Variants in HIVEP3 observed in about 807,000 individuals in gnomAD.
The protein encoded by HIVEP3 is transcription factor HIVEP3.
In HIVEP3, 49 loss-of-function variants were observed where a neutral mutation model predicts 152.8. The observed-to-expected ratio is 0.32, with a 90% CI of 0.26 to 0.41. The LOEUF (loss-of-function observed/expected upper bound fraction) is 0.41. Among genes scored for constraint, HIVEP3 ranks in the 10% least tolerant of loss-of-function variants. The probability of loss-of-function intolerance (pLI) is 1.00; values close to 1 mark genes in which losing one functional copy is unlikely to be tolerated. For missense variants in HIVEP3, 2,790 were observed against 3,103.3 expected, an observed-to-expected ratio of 0.90 and a Z score of 2.40; for synonymous variants, 1,269 against 1,289.0, an observed-to-expected ratio of 0.98 and a Z score of 0.33.
At chr1:41,630,713 A>G (rs1437992056) in intron 2 of HIVEP3, among the ~76,000 whole-genome samples, 1 of 152,168 alleles carries the variant, frequency 6.6e-6, no homozygotes, top group South Asian at 2.1e-4. Flanking sequence ...AACCCAGCCC[A>G]CCAACACCTT....
At chr1:41,567,036 G>A (rs1447296270) in intron 5 of HIVEP3, among the ~76,000 whole-genome samples, 1 of 152,088 alleles carries the variant, frequency 6.6e-6, no homozygotes, top group East Asian at 1.9e-4. Context: ...ATTGCCAAAT[G>A]TCTCCCTGAA....
chr1:41,562,712 G>C (rs1405848866), intron 5 of HIVEP3, among the ~76,000 whole-genome samples: 1 of 151,608 alleles, frequency 6.6e-6, no homozygotes, highest in Non-Finnish European at 1.5e-5. Flanking sequence ...TGGGATAGGA[G>C]ACTAACAGTA....
chr1:41,756,065 C>T (rs776421648), intron 1 of HIVEP3, among the ~76,000 whole-genome samples: 6 of 152,218 alleles, frequency 3.9e-5, no homozygotes, highest in Non-Finnish European at 7.3e-5. Flanking sequence ...AAGCCAACAA[C>T]TGGCCTACAA....
Position 41,582,723 on chromosome 1 carries a change from T to C in HIVEP3, c.2075A>G (p.His692Arg), listed in dbSNP as rs1453389148. 6.2e-7 allele frequency: 1 copy of C among 1,614,246 alleles called. No individual in the cohort carries two copies. The highest frequency in any genetic ancestry group is 1.1e-5 in the South Asian group (1 of 91,086). The change falls in exon 4 of 9, where the codon CAT becomes CGT. Residue 692 changes from histidine (H) to arginine (R), a missense_variant. This residue lies in a region of HIVEP3 where 339 missense variants were observed against 327.0 expected (regional missense o/e 1.04). Transcript: ENST00000372583. This position sits in a 1 kb window ranked among gnomAD's most constrained non-coding sequence, Gnocchi z 4.7. ...SPEAEKSQIE[H>R]EPWSQMMHYK... ...ATGCATCATTTGGGACCACGGCTCATGCTCAATCTGACTCTTTTCAGCTTC... is the reference window on the plus strand; with the variant it reads ...ATGCATCATTTGGGACCACGGCTCACGCTCAATCTGACTCTTTTCAGCTTC...
chr1:41,978,966 G>A (rs1235832170), intron 1 of HIVEP3, among the ~76,000 whole-genome samples: 2 of 152,118 alleles, frequency 1.3e-5, no homozygotes, highest in Non-Finnish European at 2.9e-5. Flanking sequence ...TTTAAACAGA[G>A]TCTGGGATGC....
chr1:41,945,928 T>C (rs951606538), intron 1 of HIVEP3, among the ~76,000 whole-genome samples: 7 of 152,142 alleles, frequency 4.6e-5, no homozygotes, highest in African/African-American at 1.7e-4. Context: ...TTCAAAAGTC[T>C]GCCTTAGGCC....
intron 1 of HIVEP3, among the ~76,000 whole-genome samples, chr1:41,990,810 C>T (rs1399228461): frequency 6.1e-4 from 76 of 123,900 alleles, no homozygotes; most frequent in Non-Finnish European, 1.1e-3. Context: ...TCTCTCAGAC[C>T]ACAGTGCAAT....
At chr1:41,775,644 C>T (rs192287944) in intron 1 of HIVEP3, among the ~76,000 whole-genome samples, 1 of 152,244 alleles carries the variant, frequency 6.6e-6, no homozygotes, top group East Asian at 1.9e-4. Flanking sequence ...GTGCTCACCA[C>T]CATGCCTGGC....
At chr1:41,849,691 C>T (rs1643540283) in intron 1 of HIVEP3, among the ~76,000 whole-genome samples, 1 of 150,628 alleles carries the variant, frequency 6.6e-6, no homozygotes, top group South Asian at 2.1e-4. Flanking sequence ...GTGGTAGACC[C>T]AAATCTTTTT....
intron 1 of HIVEP3, among the ~76,000 whole-genome samples, chr1:41,790,288 C>A (rs116696050): frequency 0.012 from 1,861 of 152,220 alleles, 43 homozygotes; most frequent in African/African-American, 0.042. Flanking sequence ...CTCTTGCTCC[C>A]TCTCACACCA....
intron 1 of HIVEP3, among the ~76,000 whole-genome samples, chr1:41,854,044 T>A (rs1643682251): frequency 6.6e-6 from 1 of 152,110 alleles, no homozygotes; most frequent in Admixed American, 6.5e-5. Context: ...TTACTAAGTG[T>A]GTTCACTCAC....
chr1:41,908,810 G>C (rs954980656), intron 1 of HIVEP3, among the ~76,000 whole-genome samples: 1 of 152,202 alleles, frequency 6.6e-6, no homozygotes, highest in East Asian at 1.9e-4. Flanking sequence ...CCTGAAGCTA[G>C]CTTGAAGACA....
chr1:42,014,334 C>A (rs929893141), intron 1 of HIVEP3, among the ~76,000 whole-genome samples: 24 of 151,712 alleles, frequency 1.6e-4, no homozygotes, highest in African/African-American at 5.8e-4. Context: ...GGTGAGAGTT[C>A]GGGGAAAGGA....
intron 5 of HIVEP3, among the ~76,000 whole-genome samples, chr1:41,573,548 C>T (rs1373517949): frequency 1.3e-5 from 2 of 152,178 alleles, no homozygotes; most frequent in Non-Finnish European, 2.9e-5. Flanking sequence ...AGGATACCTT[C>T]CATATCTGAC....
At chr1:42,012,725 G>A (rs889711102) in intron 1 of HIVEP3, among the ~76,000 whole-genome samples, 1 of 151,976 alleles carries the variant, frequency 6.6e-6, no homozygotes, top group African/African-American at 2.4e-5. Context: ...AGAAGAGGAA[G>A]AGACTAGAGT....
At chr1:41,575,417 T>C in intron 5 of HIVEP3, 127 bp downstream of exon 5, 1 of 935,266 alleles carries the variant, frequency 1.1e-6, no homozygotes, top group Non-Finnish European at 1.6e-6. Flanking sequence ...CTGAAAGGCA[T>C]CGCTGGGACC....
At chr1:41,657,891 G>T (rs972566312) in intron 2 of HIVEP3, among the ~76,000 whole-genome samples, 1 of 152,170 alleles carries the variant, frequency 6.6e-6, no homozygotes, top group Non-Finnish European at 1.5e-5. Context: ...CAGATGGAAG[G>T]CCTGCCTGAC....
At chr1:41,818,487 A>C (rs1055506556) in intron 1 of HIVEP3, among the ~76,000 whole-genome samples, 4 of 152,164 alleles carry the variant, frequency 2.6e-5, no homozygotes, top group Non-Finnish European at 4.4e-5. Context: ...AATGTGTTCA[A>C]GTATTGTTTC....
chr1:41,934,278 A>G (rs1341993715), intron 1 of HIVEP3, among the ~76,000 whole-genome samples: 1 of 152,146 alleles, frequency 6.6e-6, no homozygotes, highest in Non-Finnish European at 1.5e-5. Flanking sequence ...ACTAGAGTTC[A>G]TTAAGCCAGA....
Sources: allele counts gnomAD v4.1 joint callset (sites outside exome capture counted in the v4.1 genomes callset), GRCh38; gene constraint gnomAD v4.1.1; regional missense constraint gnomAD v4.1.1; non-coding constraint Gnocchi (gnomAD v3.1); transcripts MANE v1.5; gene names NCBI Gene and HGNC (gene_info 2026-07-23, HGNC 2026-07-21).